ULK4: variants seen among roughly 807,000 people sequenced by gnomAD.
The protein encoded by ULK4 is unc-51 like kinase 4.
A neutral mutation model predicts 160.6 loss-of-function variants in ULK4; 133 were observed. That is an observed-to-expected ratio of 0.83 (90% confidence interval 0.72 to 0.96). ULK4 has a LOEUF of 0.96. Among genes scored for constraint, ULK4 ranks in the 40% least tolerant of loss-of-function variants. The pLI is 0.00. For missense variants in ULK4, 1,580 were observed against 1,499.5 expected (o/e 1.05, Z -0.89); for synonymous variants, 534 against 539.8 (o/e 0.99, Z 0.15).
At chr3:41,787,991 C>A (rs1429897309) in intron 21 of ULK4, among the ~76,000 whole-genome samples, 1 of 152,108 alleles carries the variant, frequency 6.6e-6, no homozygotes, top group African/African-American at 2.4e-5. Context: ...GCCTCTCTAA[C>A]CACGGATTAC....
rs117603998 is a variant in ULK4 at position 41,479,436 on chromosome 3, C to T, written c.3227-16183G>A. Among the ~76,000 whole-genome samples the T allele has an allele frequency of 1.3e-3, 202 of 152,320 alleles. 2 individuals carry two copies. The East Asian group carries it at 0.03, about 23-fold the overall frequency. ...ATGAACTGGATCACAGGATAAAGCA[C>T]CAGTTGGTGCTGTTGGTCGGAGAAG... On this transcript the variant is annotated intron_variant, in intron 32 of 36. Transcript: ENST00000301831.
intron 20 of ULK4, among the ~76,000 whole-genome samples, chr3:41,794,660 C>CAAAAAAA (rs71075484): frequency 2.8e-3 from 54 of 18,970 alleles, no homozygotes; most frequent in Non-Finnish European, 3.8e-3. Context: ...GACTCTGTCT[C>CAAAAAAA]AAAAAAAAAA....
intron 34 of ULK4, among the ~76,000 whole-genome samples, chr3:41,430,873 C>T (rs967489713): frequency 4.6e-5 from 7 of 151,844 alleles, no homozygotes; most frequent in Non-Finnish European, 1.0e-4. Context: ...GATGCATAGG[C>T]ATGCTTTCTG....
intron 30 of ULK4, among the ~76,000 whole-genome samples, chr3:41,636,360 C>G (rs1172973021): frequency 6.6e-6 from 1 of 151,874 alleles, no homozygotes; most frequent in African/African-American, 2.4e-5. Flanking sequence ...TATGGCAAAA[C>G]CTCATCTTTA....
At chr3:41,458,244 G>T (rs953250598) in intron 33 of ULK4, among the ~76,000 whole-genome samples, 3 of 152,142 alleles carry the variant, frequency 2.0e-5, no homozygotes, top group African/African-American at 7.2e-5. Flanking sequence ...TCCAACTAAA[G>T]AAGGTGACAT....
chr3:41,828,896 T>C (rs1362428953), intron 18 of ULK4, among the ~76,000 whole-genome samples: 104 of 152,040 alleles, frequency 6.8e-4, no homozygotes, highest in African/African-American at 2.4e-3. Flanking sequence ...CTTCAAACTA[T>C]ACTACAAGGC....
chr3:41,757,894 TG>T (rs796979620), intron 21 of ULK4, among the ~76,000 whole-genome samples: 128 of 152,216 alleles, frequency 8.4e-4, no homozygotes, highest in African/African-American at 3.0e-3. Context: ...CCCAAAGTGC[TG>T]GGATCACAGG....
intron 27 of ULK4, among the ~76,000 whole-genome samples, chr3:41,684,094 A>G (rs1306191974): frequency 6.6e-6 from 1 of 152,202 alleles, no homozygotes; most frequent in Non-Finnish European, 1.5e-5. Flanking sequence ...GCTTCCACCA[A>G]AAAATGGAAA....
chr3:41,396,988 G>A (rs2082075714), intron 35 of ULK4, among the ~76,000 whole-genome samples: 1 of 152,102 alleles, frequency 6.6e-6, no homozygotes, highest in Non-Finnish European at 1.5e-5. Flanking sequence ...GTCACTCGCT[G>A]CAACTGTCTA....
intron 25 of ULK4, among the ~76,000 whole-genome samples, chr3:41,706,147 A>C (rs555026361): frequency 6.6e-6 from 1 of 151,898 alleles, no homozygotes; most frequent in Non-Finnish European, 1.5e-5. Context: ...TTGCTGTTTG[A>C]GAGGAAGGCC....
intron 31 of ULK4, among the ~76,000 whole-genome samples, chr3:41,579,091 G>A (rs1179846759): frequency 1.3e-5 from 2 of 152,134 alleles, no homozygotes; most frequent in African/African-American, 2.4e-5. Context: ...AGCACCAGCC[G>A]TACAAGTCCA....
intron 5 of ULK4, among the ~76,000 whole-genome samples, chr3:41,922,601 G>A (rs1699229794): frequency 6.6e-6 from 1 of 151,390 alleles, no homozygotes; most frequent in South Asian, 2.1e-4. Flanking sequence ...AGCCAAAGGT[G>A]GGGTTAAGGG....
intron 17 of ULK4, among the ~76,000 whole-genome samples, chr3:41,880,282 T>C (rs1263671879): frequency 6.6e-6 from 1 of 152,184 alleles, no homozygotes. Flanking sequence ...GTAAATGTGT[T>C]ATCTAGGAAT....
chr3:41,334,604 G>C (rs769476300), intron 35 of ULK4, among the ~76,000 whole-genome samples: 1 of 152,158 alleles, frequency 6.6e-6, no homozygotes, highest in Non-Finnish European at 1.5e-5. Context: ...CTCTCTGCTG[G>C]AGCCTGCTGC....
At chr3:41,524,613 G>C (rs1201964878) in intron 32 of ULK4, among the ~76,000 whole-genome samples, 8 of 152,150 alleles carry the variant, frequency 5.3e-5, no homozygotes, top group Non-Finnish European at 5.9e-5. Context: ...CCTTTGGCCT[G>C]AAGTCAGCCA....
intron 22 of ULK4, among the ~76,000 whole-genome samples, chr3:41,744,283 C>T (rs1032885396): frequency 6.6e-6 from 1 of 151,822 alleles, no homozygotes; most frequent in Non-Finnish European, 1.5e-5. Flanking sequence ...AAAATTATGA[C>T]CCAACAATGT....
chr3:41,428,755 T>C (rs866416315), intron 34 of ULK4, among the ~76,000 whole-genome samples: 16 of 152,164 alleles, frequency 1.1e-4, no homozygotes, highest in Middle Eastern at 3.2e-3. Flanking sequence ...CCTTACAATA[T>C]ATACAAAAAT....
chr3:41,670,733 A>T (rs888348978), intron 29 of ULK4, among the ~76,000 whole-genome samples: 5 of 152,124 alleles, frequency 3.3e-5, no homozygotes, highest in African/African-American at 1.2e-4. Context: ...TGTCTCTTCA[A>T]TTAGATCAAC....
intron 34 of ULK4, among the ~76,000 whole-genome samples, chr3:41,449,604 T>C (rs1336715814): frequency 6.6e-6 from 1 of 152,052 alleles, no homozygotes; most frequent in African/African-American, 2.4e-5. Flanking sequence ...ATTACCTGTA[T>C]TTCATGCCAC....
Sources: gnomAD v4.1 joint callset for allele counts (sites outside exome capture counted in the v4.1 genomes callset) on GRCh38, gnomAD v4.1.1 for gene constraint, MANE v1.5 for transcripts, NCBI Gene and HGNC (gene_info 2026-07-23, HGNC 2026-07-21) for gene names.